Variants in ATF2 observed in about 807,000 individuals in gnomAD.
The protein encoded by ATF2 is activating transcription factor 2.
A neutral mutation model predicts 60.6 loss-of-function variants in ATF2; 24 were observed. The observed-to-expected ratio is 0.40, with a 90% CI of 0.29 to 0.56. The LOEUF (loss-of-function observed/expected upper bound fraction) is 0.56, where lower values mean the gene tolerates loss of function less well. ATF2 is among the 20% of genes least tolerant of loss of function. The pLI, the probability that ATF2 is intolerant of heterozygous loss-of-function variation, is 0.54. For missense variants in ATF2, 433 were observed against 607.7 expected, an observed-to-expected ratio of 0.71 and a Z score of 3.02; for synonymous variants, 206 against 215.4, an observed-to-expected ratio of 0.96 and a Z score of 0.38.
intron 2 of ATF2, among the ~76,000 whole-genome samples, chr2:175,142,431 T>A (rs1698610176): frequency 6.6e-6 from 1 of 152,134 alleles, no homozygotes; most frequent in Non-Finnish European, 1.5e-5. Context: ...CCTCCCAAAG[T>A]GCTGGGATTA....
intron 12 of ATF2, among the ~76,000 whole-genome samples, chr2:175,082,918 A>C (rs970981646): frequency 1.3e-5 from 2 of 152,230 alleles, no homozygotes; most frequent in Non-Finnish European, 2.9e-5. Flanking sequence ...AGAATAAAAT[A>C]CATAAGAATC....
At chr2:175,142,720 A>AGAGTGTGT (rs1491359659) in intron 2 of ATF2, among the ~76,000 whole-genome samples, 66 of 71,172 alleles carry the variant, frequency 9.3e-4, no homozygotes, top group African/African-American at 2.9e-3. Flanking sequence ...AGAGAGAGAG[A>AGAGTGTGT]GTGTGTGTGT....
intron 10 of ATF2, among the ~76,000 whole-genome samples, chr2:175,109,016 C>A (rs988485442): frequency 4.6e-5 from 7 of 152,044 alleles, no homozygotes; most frequent in African/African-American, 1.7e-4. Flanking sequence ...TCTCAAGTAC[C>A]CAGGGACACA....
chr2:175,073,642 C>T lies in ATF2; in HGVS notation c.*967G>A, dbSNP rs2105512530. Reference sequence around the variant, plus strand: ...CACAAGAATAGTACAAGTTAGCTCGCAAGTACAAGACAATGGGGGTAAACA... The same window carrying T: ...CACAAGAATAGTACAAGTTAGCTCGTAAGTACAAGACAATGGGGGTAAACA... On this transcript the variant is annotated 3_prime_UTR_variant, in exon 14 of 14. Transcript: ENST00000264110. 1 of 152,052 alleles carries T rather than the reference C, an allele frequency of 6.6e-6. No individual in the cohort carries two copies. The highest frequency in any genetic ancestry group is 1.5e-5 in the Non-Finnish European group (1 of 67,988). The allele number at this position is 152,052 out of a possible 1,614,324, so 9.4% of individuals were successfully genotyped here.
chr2:175,112,350 T>A (rs375946516), intron 9 of ATF2, among the ~76,000 whole-genome samples: 1 of 151,570 alleles, frequency 6.6e-6, no homozygotes, highest in African/African-American at 2.4e-5. Context: ...TATATCTGAG[T>A]CCTTACAAAG....
chr2:175,130,314 A>G (rs1697640422), intron 3 of ATF2, 107 bp from the exon 4 acceptor site: 6 of 653,646 alleles, frequency 9.2e-6, no homozygotes, highest in Admixed American at 3.7e-5. Context: ...TTCTATTTTA[A>G]TACAAAATAA....
intron 12 of ATF2, 133 bp downstream of exon 12, chr2:175,092,928 T>A: frequency 1.1e-6 from 1 of 910,726 alleles, no homozygotes; most frequent in South Asian, 1.7e-5. Flanking sequence ...TACAAAACTA[T>A]GATTTACTAT....
At chr2:175,155,731 T>C (rs766136860) in intron 1 of ATF2, among the ~76,000 whole-genome samples, 2 of 152,120 alleles carry the variant, frequency 1.3e-5, no homozygotes, top group African/African-American at 2.4e-5. Context: ...TAAAGTTTAA[T>C]AAGAAAAAGG....
intron 3 of ATF2, among the ~76,000 whole-genome samples, chr2:175,134,886 C>G (rs1283933377): frequency 6.6e-6 from 1 of 151,660 alleles, no homozygotes; most frequent in Non-Finnish European, 1.5e-5. Context: ...CACCTGTAGT[C>G]CCAGCTACTC....
At chr2:175,141,018 AAAAAAAAAAAAAAT>A (rs1423105851) in intron 2 of ATF2, among the ~76,000 whole-genome samples, 2 of 115,942 alleles carry the variant, frequency 1.7e-5, no homozygotes, top group East Asian at 4.8e-4. Flanking sequence ...AAAAAAAAAA[AAAAAAAAAAAAAAT>A]ATATATATAT....
At chr2:175,119,125 T>C (rs898676142) in intron 5 of ATF2, among the ~76,000 whole-genome samples, 1 of 151,636 alleles carries the variant, frequency 6.6e-6, no homozygotes, top group Non-Finnish European at 1.5e-5. Context: ...GTACTCAGTG[T>C]CCATGTATAG....
intron 1 of ATF2, among the ~76,000 whole-genome samples, chr2:175,161,600 C>T (rs1308223315): frequency 6.6e-6 from 1 of 152,078 alleles, no homozygotes; most frequent in African/African-American, 2.4e-5. Context: ...TAACTATGTG[C>T]CAGGGACAAA....
At chr2:175,153,781 G>A (rs575887496) in intron 1 of ATF2, among the ~76,000 whole-genome samples, 25 of 141,126 alleles carry the variant, frequency 1.8e-4, no homozygotes, top group African/African-American at 6.6e-4. Context: ...GCAGTGAGTC[G>A]AGATCACACC....
Position 175,118,127 on chromosome 2 carries a change from C to A in ATF2, c.319-9G>T. The A allele has an allele frequency of 6.2e-7, 1 of 1,607,176 alleles. No individual in the cohort carries two copies. The highest frequency in any genetic ancestry group is 8.5e-7 in the Non-Finnish European group (1 of 1,177,314). On this transcript the variant is annotated splice_polypyrimidine_tract_variant and intron_variant, in intron 6 of 13. Transcript: ENST00000264110. ...GATAAATCTAGAGGCATCTATAATT[C>A]AAATAATAAGGAAAAGGTTATAAGT...
chr2:175,083,615 A>T (rs983786039), intron 12 of ATF2, among the ~76,000 whole-genome samples: 13 of 152,226 alleles, frequency 8.5e-5, no homozygotes, highest in Non-Finnish European at 1.9e-4. Context: ...CACCAAAAGC[A>T]ATGGCAACAA....
chr2:175,119,312 C>T (rs1378400081), intron 5 of ATF2, among the ~76,000 whole-genome samples: 2 of 151,550 alleles, frequency 1.3e-5, no homozygotes, highest in African/African-American at 4.8e-5. Flanking sequence ...CAGGCTATAG[C>T]AGGGATCTAG....
chr2:175,157,413 T>C (rs1699753467), intron 1 of ATF2, among the ~76,000 whole-genome samples: 1 of 152,104 alleles, frequency 6.6e-6, no homozygotes, highest in Non-Finnish European at 1.5e-5. Flanking sequence ...AGATCCCCTC[T>C]CGATTGGGCA....
chr2:175,101,270 C>T (rs531530527), intron 10 of ATF2, among the ~76,000 whole-genome samples: 1 of 151,744 alleles, frequency 6.6e-6, no homozygotes, highest in East Asian at 1.9e-4. Context: ...CTTAGAAAAA[C>T]GATCAAGAAG....
chr2:175,151,881 G>A (rs1257318810), intron 1 of ATF2, among the ~76,000 whole-genome samples: 1 of 152,128 alleles, frequency 6.6e-6, no homozygotes, highest in Non-Finnish European at 1.5e-5. Flanking sequence ...GTAAGTTCTA[G>A]CCATCACATC....
Sources: allele counts gnomAD v4.1 joint callset (sites outside exome capture counted in the v4.1 genomes callset), GRCh38; gene constraint gnomAD v4.1.1; transcripts MANE v1.5; gene names NCBI Gene and HGNC (gene_info 2026-07-23, HGNC 2026-07-21).